Variants in EPRS1 observed in about 807,000 individuals in gnomAD.
EPRS1 encodes the protein glutamyl-prolyl-tRNA synthetase 1, also known as bifunctional glutamate/proline--tRNA ligase.
A neutral mutation model predicts 188.3 loss-of-function variants in EPRS1; 107 were observed. The ratio of observed to expected loss-of-function variants is 0.57; its 90% CI spans 0.49 to 0.67. EPRS1 has a LOEUF of 0.67. EPRS1 is among the 30% of genes least tolerant of loss of function. The pLI is 0.00. For synonymous variants in EPRS1, 596 were observed against 593.1 expected (o/e 1.00, Z -0.07); for missense variants, 1,577 against 1,802.2 (o/e 0.88, Z 2.26).
In EPRS1 at chr1:219,982,289, T is replaced by C. The variant is rs554640317; in HGVS notation, c.3373+483A>G. Among the ~76,000 whole-genome samples the C allele has an allele frequency of 9.8e-5, 15 of 152,320 alleles. No homozygotes were observed. The South Asian group carries it at 3.1e-3, about 32-fold the overall frequency. ...AATCTTTCAGAGACTTTTCTTTACC[T>C]GCAAAATGGAAATCACAGTAACTTT... is the stretch of plus-strand genomic sequence containing the variant. On this transcript the variant is annotated intron_variant, in intron 23 of 31. Transcript: ENST00000366923.
In EPRS1 at chr1:219,997,327, T is replaced by C. The variant is rs770189255; in HGVS notation, c.2197A>G (p.Lys733Glu). The C allele has an allele frequency of 3.7e-6, 6 of 1,602,822 alleles. No individual in the cohort carries two copies. The highest frequency in any genetic ancestry group is 1.7e-5 in the Admixed American group (1 of 58,196). The part of the protein sequence containing the change: ...ATKNETSAPF[K>E]ERPTPSLNNN... ...TTCAGAGAAGGTGTTGGTCTTTCCT[T>C]AAAAGGAGCAGAGGTCTACCAAGAG... The change falls in exon 18 of 32, where the codon AAG becomes GAG. Residue 733 changes from lysine (K) to glutamate (E), a missense_variant. Around this residue, in one of 3 missense-constraint regions of EPRS1, gnomAD observed 1,278 missense variants for 1,457.4 expected, o/e 0.88. Coordinates refer to ENST00000366923, the MANE Select transcript of EPRS1 (RefSeq NM_004446.3).
intron 28 of EPRS1, among the ~76,000 whole-genome samples, chr1:219,973,698 C>T (rs1047482290): frequency 1.3e-5 from 2 of 151,978 alleles, no homozygotes; most frequent in South Asian, 4.1e-4. Context: ...ATCCAGAAAA[C>T]GTATTTGCAT....
At chr1:220,007,464 G>A in intron 13 of EPRS1, 126 bp from the exon 14 acceptor site, 6 of 773,586 alleles carry the variant, frequency 7.8e-6, no homozygotes, top group Non-Finnish European at 1.2e-5. Flanking sequence ...ACTGTTAGCA[G>A]TTCATTGCTG....
intron 27 of EPRS1, 126 bp downstream of exon 27, chr1:219,979,292 C>T: frequency 1.5e-6 from 1 of 661,874 alleles, no homozygotes; most frequent in Non-Finnish European, 2.6e-6. Flanking sequence ...GACTGCATTC[C>T]ACGTTGTTTT....
Position 219,973,272 on chromosome 1 carries a change from T to C in EPRS1, c.4210A>G (p.Ile1404Val). ...ENEAETKLQA[I>V]LEDIQVTLFT... Reference sequence around the variant, plus strand: ...AGGGTGACCTGGATGTCTTCCAAAATAGCTTGAAGTTTAGTCTCTGCCTCA... The same window carrying C: ...AGGGTGACCTGGATGTCTTCCAAAACAGCTTGAAGTTTAGTCTCTGCCTCA... The change falls in exon 29 of 32, where the codon ATT becomes GTT. Residue 1404 changes from isoleucine (I) to valine (V), a missense_variant. Physicochemically the swap from Ile to Val is conservative, Grantham distance 29. Around this residue, in one of 3 missense-constraint regions of EPRS1, gnomAD observed 296 missense variants for 327.9 expected, o/e 0.90. Transcript: ENST00000366923. The C allele has an allele frequency of 6.2e-7, 1 of 1,612,718 alleles. No homozygotes were observed. Among genetic ancestry groups the C allele is most frequent in the Non-Finnish European group, 8.5e-7 (1 of 1,179,600 alleles).
At chr1:219,994,987 T>C (rs1395151271) in intron 18 of EPRS1, among the ~76,000 whole-genome samples, 1 of 152,166 alleles carries the variant, frequency 6.6e-6, no homozygotes. Flanking sequence ...TAGCCTATTG[T>C]TGTTATGCAC....
At chr1:219,993,196 T>C (rs1661157877) in intron 18 of EPRS1, among the ~76,000 whole-genome samples, 1 of 151,820 alleles carries the variant, frequency 6.6e-6, no homozygotes, top group African/African-American at 2.4e-5. Flanking sequence ...GCCACTGCAC[T>C]CCAGCCTGGG....
intron 6 of EPRS1, among the ~76,000 whole-genome samples, chr1:220,026,015 G>T (rs1423828405): frequency 1.3e-5 from 2 of 152,040 alleles, no homozygotes; most frequent in Admixed American, 6.6e-5. Flanking sequence ...GGATGGTCTC[G>T]ATCTCTTGAC....
intron 5 of EPRS1, among the ~76,000 whole-genome samples, chr1:220,031,705 G>A (rs1168278981): frequency 6.6e-6 from 1 of 152,164 alleles, no homozygotes; most frequent in Non-Finnish European, 1.5e-5. Flanking sequence ...AGGAGCTTTT[G>A]TACTGTACAC....
chr1:220,043,057 T>C (rs1480050008), intron 1 of EPRS1, among the ~76,000 whole-genome samples: 1 of 152,184 alleles, frequency 6.6e-6, no homozygotes, highest in East Asian at 1.9e-4. Context: ...TGATTCAATG[T>C]ATATGAAATT....
rs912883513 is a variant in EPRS1 at position 219,978,974 on chromosome 1, C to T, written c.3910-255G>A. On this transcript the variant is annotated intron_variant, in intron 27 of 31. Coordinates refer to ENST00000366923, the MANE Select transcript of EPRS1 (RefSeq NM_004446.3). The stretch of plus-strand genomic sequence containing the variant: ...TATATATATATATATATTTTTTTTT[C>T]CCCCCCAGCCTCCCAAGTAGCTGGG... Among the ~76,000 whole-genome samples, 29 of 139,838 alleles carry T rather than the reference C, an allele frequency of 2.1e-4. No homozygotes were observed. In the South Asian group the frequency reaches 4.6e-3, roughly 22 times the overall value. 91.7% of individuals were successfully genotyped at this position (139,838 alleles called of 152,430 possible).
intron 28 of EPRS1, 33 bp from the exon 29 acceptor site, chr1:219,973,431 A>G: frequency 6.6e-7 from 1 of 1,513,198 alleles, no homozygotes; most frequent in Non-Finnish European, 9.1e-7. Flanking sequence ...AAAATGATAT[A>G]TGAATGTCTC....
intron 12 of EPRS1, among the ~76,000 whole-genome samples, chr1:220,012,501 G>A (rs1656350397): frequency 6.6e-6 from 1 of 152,176 alleles, no homozygotes; most frequent in African/African-American, 2.4e-5. Context: ...CAGATTCTGA[G>A]ACAACTTGGT....
intron 6 of EPRS1, among the ~76,000 whole-genome samples, chr1:220,027,684 T>C (rs1317692966): frequency 6.8e-6 from 1 of 148,144 alleles, no homozygotes; most frequent in Non-Finnish European, 1.5e-5. Flanking sequence ...ACTTTATACA[T>C]ATAATAAAGG....
Position 219,980,101 on chromosome 1 carries a change from C to A in EPRS1, c.3695G>T (p.Ser1232Ile). ...GTTTGATACCTGGATAGCTCTTCCA[C>A]TAGCAGATATAAATGCTTCTATTGT... ...TTTIEAFISA[S>I]GRAIQGGTSH... is the part of the protein sequence containing the mutation. Residue 1232 changes from serine (S) to isoleucine (I), a missense_variant, in exon 26 of 32, where the codon AGT (serine) becomes ATT (isoleucine). Ser to Ile is a moderately radical substitution (Grantham distance 142, BLOSUM62 -2). This residue lies in a region of EPRS1 where 1,278 missense variants were observed against 1,457.4 expected (regional missense o/e 0.88). Transcript: ENST00000366923. 1 of 1,613,824 alleles carries A rather than the reference C, an allele frequency of 6.2e-7. No individual in the cohort carries two copies. The highest frequency in any genetic ancestry group is 1.7e-5 in the Admixed American group (1 of 60,016).
rs1204356478 is a variant in EPRS1 at position 219,980,338 on chromosome 1, G to C, written c.3556-98C>G. On this transcript the variant is annotated intron_variant, in intron 25 of 31. Transcript: ENST00000366923. ...ACTTAAGACTAATTGTGTGGGAAAAGCAATCTGAACAATAAAAACCTCTTT... is the reference window on the plus strand; with the variant it reads ...ACTTAAGACTAATTGTGTGGGAAAACCAATCTGAACAATAAAAACCTCTTT... 4 of 889,976 alleles carry C rather than the reference G, an allele frequency of 4.5e-6. No individual in the cohort carries two copies. The East Asian group carries it at 7.4e-5, about 17-fold the overall frequency. 55.1% of individuals were successfully genotyped at this position (889,976 alleles called of 1,614,324 possible). A position where few individuals can be genotyped will look rare whatever the true frequency, so the allele number is the denominator to read the frequency against.
chr1:220,005,307 A>C lies in EPRS1; in HGVS notation c.2004T>G (p.Asp668Glu). Residue 668 changes from aspartate to glutamate, a missense_variant, in exon 16 of 32, where the codon GAT becomes GAG. Physicochemically the swap from Asp to Glu is conservative, Grantham distance 45. This residue lies in a region of EPRS1 where 1,278 missense variants were observed against 1,457.4 expected (regional missense o/e 0.88). Coordinates refer to ENST00000366923, the MANE Select transcript of EPRS1 (RefSeq NM_004446.3). ...ATCCTCTTCTCTGGAGTTGTATAATATCTCCTTTTTTCAAATCCTTAAGGC... is the reference window on the plus strand; with the variant it reads ...ATCCTCTTCTCTGGAGTTGTATAATCTCTCCTTTTTTCAAATCCTTAAGGC... Reference protein sequence around the residue: ...DPCLKDLKKGDIIQLQRRGFF... With the variant: ...DPCLKDLKKGEIIQLQRRGFF... The C allele has an allele frequency of 1.9e-6, 3 of 1,601,174 alleles. No individual in the cohort carries two copies. The highest frequency in any genetic ancestry group is 2.6e-6 in the Non-Finnish European group (3 of 1,173,558).
intron 5 of EPRS1, among the ~76,000 whole-genome samples, 191 bp from the exon 6 acceptor site, chr1:220,030,671 A>G (rs11811749): frequency 0.036 from 5,548 of 152,272 alleles, 306 homozygotes; most frequent in African/African-American, 0.13. Flanking sequence ...AGTAATACAG[A>G]TATGTTCAGG....
At chr1:220,018,242 CATT>C in intron 12 of EPRS1, 3 of 1,084,950 alleles carry the variant, frequency 2.8e-6, no homozygotes, top group Non-Finnish European at 4.0e-6. Context: ...TTGTTTCAAT[CATT>C]GTTACTTATT....
Sources: allele counts gnomAD v4.1 joint callset (sites outside exome capture counted in the v4.1 genomes callset), GRCh38; gene constraint gnomAD v4.1.1; regional missense constraint gnomAD v4.1.1; transcripts MANE v1.5; gene names NCBI Gene and HGNC (gene_info 2026-07-23, HGNC 2026-07-21).